Variants in RASGEF1C observed in about 807,000 individuals in gnomAD.
RASGEF1C encodes ras-GEF domain-containing family member 1C.
In RASGEF1C, 27 loss-of-function variants were observed where a neutral mutation model predicts 58.1. The ratio of observed to expected loss-of-function variants is 0.46; its 90% CI spans 0.34 to 0.64. RASGEF1C has a LOEUF of 0.64. Ranked by LOEUF, RASGEF1C falls within the 30% of genes least tolerant of loss-of-function variation. The probability of loss-of-function intolerance (pLI) is 0.01; values close to 1 mark genes in which losing one functional copy is unlikely to be tolerated. For missense variants in RASGEF1C, 502 were observed against 605.1 expected, an observed-to-expected ratio of 0.83 and a Z score of 1.79; for synonymous variants, 243 against 246.3, an observed-to-expected ratio of 0.99 and a Z score of 0.13.
intron 1 of RASGEF1C, among the ~76,000 whole-genome samples, chr5:180,194,952 G>A (rs1025396855): frequency 1.5e-4 from 23 of 152,328 alleles, no homozygotes; most frequent in African/African-American, 4.8e-4. Flanking sequence ...AAGGTTGACA[G>A]GAAAATCGGG....
chr5:180,181,795 C>T (rs190534100), intron 1 of RASGEF1C, among the ~76,000 whole-genome samples: 61 of 152,314 alleles, frequency 4.0e-4, no homozygotes, highest in African/African-American at 1.4e-3. Context: ...GATACAAACA[C>T]AAGGCTGAGT....
chr5:180,117,146 TCTCGCATCCCTGGGTGCTG>T (rs1766080534), intron 10 of RASGEF1C, among the ~76,000 whole-genome samples: 1 of 152,134 alleles, frequency 6.6e-6, no homozygotes, highest in Non-Finnish European at 1.5e-5. Context: ...GGATTTGAGG[TCTCGCATCCCTGGGTGCTG>T]CTCCCCTCTG....
intron 1 of RASGEF1C, among the ~76,000 whole-genome samples, chr5:180,164,436 A>G (rs897255419): frequency 1.3e-5 from 2 of 152,196 alleles, no homozygotes; most frequent in Non-Finnish European, 2.9e-5. Flanking sequence ...TGATGTTTTG[A>G]TATAAATTAC....
intron 4 of RASGEF1C, among the ~76,000 whole-genome samples, chr5:180,128,989 C>T (rs1037759034): frequency 6.6e-6 from 1 of 152,222 alleles, no homozygotes; most frequent in African/African-American, 2.4e-5. Context: ...TGGCATGGGC[C>T]CTGCCCTGGG....
chr5:180,171,589 G>A (rs1014228517), intron 1 of RASGEF1C, among the ~76,000 whole-genome samples: 5 of 152,130 alleles, frequency 3.3e-5, no homozygotes, highest in African/African-American at 9.7e-5. Context: ...CTGTCCCCAC[G>A]CAGGTCAGCG....
In RASGEF1C at chr5:180,101,109, G is replaced by A. The variant is rs554771917; in HGVS notation, c.*392C>T. 9.4e-6 allele frequency: 2 copies of A among 213,194 alleles called. No individual in the cohort carries two copies. The highest frequency in any genetic ancestry group is 1.1e-4 in the East Asian group (1 of 9,488). The allele number at this position is 213,194 out of a possible 1,614,324, so 13.2% of individuals were successfully genotyped here. A position where few individuals can be genotyped will look rare whatever the true frequency, so the allele number is the denominator to read the frequency against. On this transcript the variant is annotated 3_prime_UTR_variant, in exon 14 of 14. Transcript: ENST00000361132. ...GTGGCTCCAGAAGTTCCCAAGCCAC[G>A]TGGTGACAGACTGTGGGTGGTGGCC...
intron 4 of RASGEF1C, chr5:180,135,203 G>A (rs954738910): frequency 6.6e-6 from 1 of 152,250 alleles, no homozygotes; most frequent in African/African-American, 2.4e-5. Flanking sequence ...AGGAGGAAGA[G>A]GAAACCACTC....
rs1187915424 is a variant in RASGEF1C, at chr5:180,156,177, T to G, written c.-6-18119A>C. On this transcript the variant is annotated intron_variant, in intron 1 of 13. Coordinates refer to ENST00000361132, the MANE Select transcript of RASGEF1C (RefSeq NM_175062.4). The surrounding 1 kb of genome is among the most constrained non-coding windows in gnomAD (Gnocchi z 4.9). ...CCTTACTTTTCTTTGTAGTTCCACC[T>G]GTGTATTTATCCCCAAATACCCTGC... Among the ~76,000 whole-genome samples the G allele has an allele frequency of 6.6e-6, 1 of 152,180 alleles. No individual in the cohort carries two copies. Among genetic ancestry groups the G allele is most frequent in the East Asian group, 1.9e-4 (1 of 5,188 alleles).
At chr5:180,132,874 T>C (rs570452480) in intron 4 of RASGEF1C, among the ~76,000 whole-genome samples, 198 of 148,136 alleles carry the variant, frequency 1.3e-3, no homozygotes, top group African/African-American at 4.8e-3. Flanking sequence ...AAGGCTGAGG[T>C]AGGAGAATTG....
At chr5:180,142,628 A>T (rs1033265004) in intron 1 of RASGEF1C, among the ~76,000 whole-genome samples, 2 of 152,142 alleles carry the variant, frequency 1.3e-5, no homozygotes, top group East Asian at 3.9e-4. Flanking sequence ...TGGCCGCTGC[A>T]GTGATGGTTC....
At chr5:180,165,588 T>C (rs908800642) in intron 1 of RASGEF1C, among the ~76,000 whole-genome samples, 4 of 151,424 alleles carry the variant, frequency 2.6e-5, no homozygotes, top group African/African-American at 7.3e-5. Context: ...GGAGAATCAC[T>C]TGAACCCAGG....
At chr5:180,125,158 A>AC (rs1766234030) in intron 6 of RASGEF1C, among the ~76,000 whole-genome samples, 3 of 152,142 alleles carry the variant, frequency 2.0e-5, no homozygotes, top group East Asian at 1.9e-4. Flanking sequence ...AACAACAACA[A>AC]AAAACCCAAA....
At chr5:180,121,991 C>T (rs2113257845) in intron 6 of RASGEF1C, among the ~76,000 whole-genome samples, 1 of 152,308 alleles carries the variant, frequency 6.6e-6, no homozygotes, top group African/African-American at 2.4e-5. Flanking sequence ...CCCATGCGCA[C>T]AAAGGCTGCT....
intron 1 of RASGEF1C, among the ~76,000 whole-genome samples, chr5:180,171,905 G>T (rs1157062645): frequency 6.6e-6 from 1 of 152,106 alleles, no homozygotes; most frequent in African/African-American, 2.4e-5. Context: ...TGTGGGGCGG[G>T]CCCCTCAGCT....
chr5:180,114,845 T>A (rs894519626), intron 10 of RASGEF1C, among the ~76,000 whole-genome samples: 21 of 152,260 alleles, frequency 1.4e-4, no homozygotes, highest in African/African-American at 5.1e-4. Context: ...ACAGTCACGA[T>A]GACCCTTGAA....
At chr5:180,181,380 G>A (rs1269461996) in intron 1 of RASGEF1C, among the ~76,000 whole-genome samples, 1 of 152,230 alleles carries the variant, frequency 6.6e-6, no homozygotes, top group Non-Finnish European at 1.5e-5. Flanking sequence ...CTAAACAGAT[G>A]ACTGAAGTCC....
chr5:180,199,912 T>C (rs1309573050), intron 1 of RASGEF1C, among the ~76,000 whole-genome samples: 1 of 152,206 alleles, frequency 6.6e-6, no homozygotes, highest in East Asian at 1.9e-4. Flanking sequence ...GATGTCTTGA[T>C]TCCTGTAGCT....
At chr5:180,149,753 C>T (rs534070941) in intron 1 of RASGEF1C, among the ~76,000 whole-genome samples, 3 of 152,334 alleles carry the variant, frequency 2.0e-5, no homozygotes, top group South Asian at 4.1e-4. Context: ...TGCGCCCAGC[C>T]GAGGACCCCT....
At chr5:180,146,125 A>G (rs552519639) in intron 1 of RASGEF1C, among the ~76,000 whole-genome samples, 1 of 152,236 alleles carries the variant, frequency 6.6e-6, no homozygotes, top group East Asian at 1.9e-4. Flanking sequence ...TCACTGCCCA[A>G]TCCAATATCA....
Sources: allele counts gnomAD v4.1 joint callset (sites outside exome capture counted in the v4.1 genomes callset), GRCh38; gene constraint gnomAD v4.1.1; non-coding constraint Gnocchi (gnomAD v3.1); transcripts MANE v1.5; gene names NCBI Gene and HGNC (gene_info 2026-07-23, HGNC 2026-07-21).